ZNF519: variants seen among roughly 807,000 people sequenced by gnomAD.
ZNF519 encodes similar to Zinc finger protein 85 (Zinc finger protein HPF4) (HTF1).
In ZNF519, 7 loss-of-function variants were observed where a neutral mutation model predicts 7.4. That is an observed-to-expected ratio of 0.94 (90% confidence interval 0.54 to 1.77). The LOEUF is 1.77. Among genes scored for constraint, ZNF519 ranks in the 40% most tolerant of loss-of-function variants. ZNF519 has a pLI of 0.00. For missense variants in ZNF519, 586 were observed against 623.1 expected (o/e 0.94, Z 0.63); for synonymous variants, 179 against 203.3 (o/e 0.88, Z 1.02).
At chr18:14,076,022 T>G (rs554215519) in exon 5 of ZNF519, 1 of 152,116 alleles carries the variant, frequency 6.6e-6, no homozygotes, top group Non-Finnish European at 1.5e-5. Flanking sequence ...TATTATTTTT[T>G]TTTTTACAGG....
intron 4 of ZNF519, chr18:14,078,115 T>A (rs1210280431): frequency 2.0e-5 from 3 of 152,204 alleles, no homozygotes; most frequent in Admixed American, 2.0e-4. Flanking sequence ...CAATAGGGTT[T>A]GCTGCTTCTG....
At position 14,101,072 on chromosome 18, in the gene ZNF519, G is replaced by C. The variant is rs968867962; in HGVS notation, c.*3845C>G. 1 of 152,364 alleles carries C rather than the reference G, an allele frequency of 6.6e-6. No individual in the cohort carries two copies. Among genetic ancestry groups the C allele is most frequent in the African/African-American group, 2.4e-5 (1 of 41,420 alleles). 9.4% of individuals were successfully genotyped at this position (152,364 alleles called of 1,614,324 possible). A position where few individuals can be genotyped will look rare whatever the true frequency, so the allele number is the denominator to read the frequency against. On this transcript the variant is annotated 3_prime_UTR_variant, in exon 3 of 3. Transcript: ENST00000590202. ...AAACTGAAGCCCACAAATGTGAAGGGACTTTCCCAAGACACAGATAATAGG... is the reference window on the plus strand; with the variant it reads ...AAACTGAAGCCCACAAATGTGAAGGCACTTTCCCAAGACACAGATAATAGG...
rs957789797 is a variant in ZNF519, at chr18:14,129,618, C to T, written c.3+2657G>A. 8.5e-5 allele frequency among the ~76,000 whole-genome samples: 13 copies of T among 152,234 alleles called. 1 individual carries two copies. Among genetic ancestry groups the T allele is most frequent in the Admixed American group, 6.5e-4 (10 of 15,286 alleles). ...GTGATGTCTTTCTTCTGACACAAAACGTAAGGAGTTTGCTGAACACCAACC... is the reference window on the plus strand; with the variant it reads ...GTGATGTCTTTCTTCTGACACAAAATGTAAGGAGTTTGCTGAACACCAACC... On this transcript the variant is annotated intron_variant, in intron 1 of 2. Transcript: ENST00000590202.
At chr18:14,089,985 T>C (rs1257496555) in intron 2 of ZNF519, 1 of 152,298 alleles carries the variant, frequency 6.6e-6, no homozygotes, top group East Asian at 1.9e-4. Context: ...TGCAATCCTC[T>C]GTAGAGCTGA....
At chr18:14,124,192 A>AG in intron 2 of ZNF519, 158 bp downstream of exon 2, 1 of 670,762 alleles carries the variant, frequency 1.5e-6, no homozygotes, top group East Asian at 3.9e-5. Context: ...AAAAAAAAAA[A>AG]AGATTTTCTT....
chr18:14,085,737 T>C (rs1049906074), intron 2 of ZNF519, among the ~76,000 whole-genome samples: 1 of 152,104 alleles, frequency 6.6e-6, no homozygotes, highest in Middle Eastern at 3.4e-3. Context: ...TGGATCCCAG[T>C]GTTGGGCCCA....
chr18:14,076,577 T>A (rs538494435), exon 5 of ZNF519: 2 of 152,296 alleles, frequency 1.3e-5, no homozygotes, highest in South Asian at 4.1e-4. Flanking sequence ...AATAAAATTA[T>A]TTCAATGTCA....
Position 14,079,957 on chromosome 18 carries a change from T to A in ZNF519, c.*178-1659A>T, listed in dbSNP as rs534133347. ...CTCTGTGAAAGACAATATCAAGAAA[T>A]GGAAAAGAAAAGACATAGACTGGAG... On this transcript the variant is annotated intron_variant and NMD_transcript_variant, in intron 3 of 4. Coordinates refer to the ZNF519 transcript ENST00000587419. Among the ~76,000 whole-genome samples the A allele has an allele frequency of 3.2e-3, 479 of 151,244 alleles. 3 individuals carry two copies. The highest frequency in any genetic ancestry group is 5.3e-3 in the Non-Finnish European group (359 of 67,806).
At chr18:14,119,555 TACA>T (rs1007620482) in intron 2 of ZNF519, among the ~76,000 whole-genome samples, 3 of 152,148 alleles carry the variant, frequency 2.0e-5, no homozygotes, top group African/African-American at 7.2e-5. Flanking sequence ...AACCTTAGAG[TACA>T]ACAACAAAAA....
rs760849034 is a variant in ZNF519, at chr18:14,105,640, G to A, written c.900C>T (p.Ala300=). The A allele has an allele frequency of 3.7e-6, 6 of 1,613,268 alleles. No homozygotes were observed. The Admixed American group carries it at 1.0e-4, about 27-fold the overall frequency. The change falls in exon 3 of 3, where the codon GCC becomes GCT. Residue 300 remains alanine (A), a synonymous_variant. Coordinates refer to ENST00000590202, the MANE Select transcript of ZNF519 (RefSeq NM_145287.4). ...KPYKCKKCDK[A]FNKSSHLAQH... Reference sequence around the variant, plus strand: ...GAGCAAGGTGTGAACTCTTGTTAAAGGCTTTGTCACATTTTTTACATTTGT... The same window carrying A: ...GAGCAAGGTGTGAACTCTTGTTAAAAGCTTTGTCACATTTTTTACATTTGT...
chr18:14,105,662 T>G lies in ZNF519; in HGVS notation c.878A>C (p.Lys293Thr). Residue 293 changes from lysine (K) to threonine (T), a missense_variant, in exon 3 of 3, where the codon AAA (lysine) becomes ACA (threonine). Coordinates refer to ENST00000590202, the MANE Select transcript of ZNF519 (RefSeq NM_145287.4). The stretch of plus-strand genomic sequence containing the variant: ...AAAGGCTTTGTCACATTTTTTACAT[T>G]TGTAAGGTTTCTCTCCAGTATGAAT... ...QKIHTGEKPY[K>T]CKKCDKAFNK... The G allele has an allele frequency of 1.9e-6, 3 of 1,613,498 alleles. No homozygotes were observed. Among genetic ancestry groups the G allele is most frequent in the Non-Finnish European group, 2.5e-6 (3 of 1,179,896 alleles).
rs561023482 is a variant in ZNF519 at position 14,076,106 on chromosome 18, G to A, written c.*1697C>T. On this transcript the variant is annotated 3_prime_UTR_variant and NMD_transcript_variant, in exon 5 of 5. Coordinates refer to the ZNF519 transcript ENST00000587419. The stretch of plus-strand genomic sequence containing the variant: ...TAAAGCCCCCTCCTTCCTTGTAAGA[G>A]GCAGAGTCCGGAGCTGACAATGTGC... 5 of 152,176 alleles carry A rather than the reference G, an allele frequency of 3.3e-5. No homozygotes were observed. The South Asian group carries it at 8.3e-4, about 25-fold the overall frequency. The allele number at this position is 152,176 out of a possible 1,614,324, so 9.4% of individuals were successfully genotyped here.
chr18:14,095,257 T>C (rs2046131328), downstream of ZNF519, among the ~76,000 whole-genome samples: 1 of 152,192 alleles, frequency 6.6e-6, no homozygotes, highest in Non-Finnish European at 1.5e-5. Flanking sequence ...GTTTTATGTA[T>C]GGTCATTAGC....
At chr18:14,125,756 C>T (rs1337567922) in intron 1 of ZNF519, among the ~76,000 whole-genome samples, 11 of 151,960 alleles carry the variant, frequency 7.2e-5, no homozygotes, top group Admixed American at 4.6e-4. Flanking sequence ...GCGATCTTGG[C>T]TCACTGCAAC....
chr18:14,100,881 A>C lies in ZNF519; in HGVS notation c.*4036T>G, dbSNP rs1422462915. On this transcript the variant is annotated 3_prime_UTR_variant, in exon 3 of 3. Coordinates refer to ENST00000590202, the MANE Select transcript of ZNF519 (RefSeq NM_145287.4). ...TTTTTATAATCTTATATCTTACTAT[A>C]GTTTTCTAGAGTTTTAAATAGTTTT... 1 of 152,200 alleles carries C rather than the reference A, an allele frequency of 6.6e-6. No homozygotes were observed. Among genetic ancestry groups the C allele is most frequent in the East Asian group, 1.9e-4 (1 of 5,202 alleles). The allele number at this position is 152,200 out of a possible 1,614,324, so 9.4% of individuals were successfully genotyped here.
chr18:14,122,330 A>C (rs2046273411), intron 2 of ZNF519: 2 of 152,204 alleles, frequency 1.3e-5, no homozygotes, highest in Admixed American at 1.3e-4. Flanking sequence ...TGCAACCTCT[A>C]CAGGATTAAA....
chr18:14,105,479 C>T lies in ZNF519; in HGVS notation c.1061G>A (p.Gly354Asp), dbSNP rs561163547. The stretch of plus-strand genomic sequence containing the variant: ...GTATGACCCCCTGTTAAAGGCTTTG[C>T]CACATTCTTCACATTTGAAAGCTCT... Reference protein sequence around the residue: ...GERAFKCEECGKAFNRGSYLT... With the variant: ...GERAFKCEECDKAFNRGSYLT... The change falls in exon 3 of 3, where the codon GGC becomes GAC. Residue 354 changes from glycine to aspartate, a missense_variant. By Grantham distance (94) the Gly-to-Asp change is moderately conservative. Transcript: ENST00000590202. 2.5e-6 allele frequency: 4 copies of T among 1,613,608 alleles called. No homozygotes were observed. Among genetic ancestry groups the T allele is most frequent in the Non-Finnish European group, 1.7e-6 (2 of 1,179,918 alleles).
At chr18:14,082,678 CTCTTT>C (rs1392910370) in intron 3 of ZNF519, 5 of 150,362 alleles carry the variant, frequency 3.3e-5, no homozygotes, top group African/African-American at 9.9e-5. Flanking sequence ...TGGCTTTGAC[CTCTTT>C]TTTTTTTTTT....
chr18:14,089,623 C>T (rs1287730405), intron 2 of ZNF519, among the ~76,000 whole-genome samples: 1 of 152,056 alleles, frequency 6.6e-6, no homozygotes, highest in African/African-American at 2.4e-5. Flanking sequence ...TATTGGTTAA[C>T]AAGTTACAAG....
Sources: gnomAD v4.1 joint callset for allele counts (sites outside exome capture counted in the v4.1 genomes callset) on GRCh38, gnomAD v4.1.1 for gene constraint, MANE v1.5 for transcripts, NCBI Gene and HGNC (gene_info 2026-07-23, HGNC 2026-07-21) for gene names.